The following ADGRA1 variants were observed in gnomAD, a reference collection of about 807,000 sequenced individuals.
The protein encoded by ADGRA1 is G-protein coupled receptor 123.
In ADGRA1, 12 loss-of-function variants were observed where a neutral mutation model predicts 21.3. The ratio of observed to expected loss-of-function variants is 0.56; its 90% CI spans 0.36 to 0.91. The LOEUF (loss-of-function observed/expected upper bound fraction) is 0.91, where lower values mean the gene tolerates loss of function less well. Ranked by LOEUF, ADGRA1 falls within the 40% of genes least tolerant of loss-of-function variation. ADGRA1 has a pLI of 0.01. For synonymous variants in ADGRA1, 385 were observed against 368.8 expected, an observed-to-expected ratio of 1.04 and a Z score of -0.50; for missense variants, 790 against 805.6, an observed-to-expected ratio of 0.98 and a Z score of 0.23.
In ADGRA1 at chr10:133,098,673, G is replaced by C. The variant is rs774571906; in HGVS notation, c.165G>C (p.Thr55=). Residue 55 remains threonine, a synonymous_variant, in exon 4 of 7, where the codon ACG becomes ACC. Coordinates refer to ENST00000392607, the MANE Select transcript of ADGRA1 (RefSeq NM_001083909.3). ...GCATCAGCCGCAAGGGCCGGCACAC[G>C]CTCCTGAATTTCTGCTTCCACGCGG... The part of the protein sequence containing the change: ...AIRISRKGRH[T]LLNFCFHAAL... The C allele has an allele frequency of 1.2e-6, 2 of 1,611,100 alleles. No individual in the cohort carries two copies. Among genetic ancestry groups the C allele is most frequent in the South Asian group, 2.2e-5 (2 of 91,070 alleles).
chr10:133,090,026 A>T (rs1851572040), intron 2 of ADGRA1, among the ~76,000 whole-genome samples: 1 of 152,234 alleles, frequency 6.6e-6, no homozygotes, highest in South Asian at 2.1e-4. Flanking sequence ...AGTTGGCAGG[A>T]TCTGTGGCTT....
Position 133,098,148 on chromosome 10 carries a change from T to C in ADGRA1, c.132-492T>C, listed in dbSNP as rs189131858. ...TGGGCGGGTCGGGCCCCAGACATGG[T>C]GGTGGTCATGGAAAGGGTCACAGCC... On this transcript the variant is annotated intron_variant, in intron 3 of 6. Coordinates refer to ENST00000392607, the MANE Select transcript of ADGRA1 (RefSeq NM_001083909.3). Among the ~76,000 whole-genome samples, 526 of 152,172 alleles carry C rather than the reference T, an allele frequency of 3.5e-3. 3 individuals are homozygous for C. Among genetic ancestry groups the C allele is most frequent in the African/African-American group, 0.012 (499 of 41,526 alleles).
At position 133,129,781 on chromosome 10, in the gene ADGRA1, G is replaced by A. The variant is rs577461289; in HGVS notation, c.*270G>A. On this transcript the variant is annotated 3_prime_UTR_variant, in exon 7 of 7. Transcript: ENST00000392607. ...CCCACTCCCCTTATCCCAATTCCGC[G>A]TGCTGGTCCCGCACACGGTCATCCG... 6 of 448,028 alleles carry A rather than the reference G, an allele frequency of 1.3e-5. No individual in the cohort carries two copies. The highest frequency in any genetic ancestry group is 6.1e-5 in the South Asian group (2 of 32,548). The allele number at this position is 448,028 out of a possible 1,614,324, so 27.8% of individuals were successfully genotyped here.
chr10:133,111,844 A>G (rs66533029), intron 5 of ADGRA1, among the ~76,000 whole-genome samples: 52 of 143,712 alleles, frequency 3.6e-4, no homozygotes, highest in East Asian at 8.8e-4. Context: ...CCACCTGCCC[A>G]CCACGGGCAC....
intron 6 of ADGRA1, 31 bp from the exon 7 acceptor site, chr10:133,128,298 C>G: frequency 6.7e-7 from 1 of 1,483,918 alleles, no homozygotes; most frequent in Non-Finnish European, 8.9e-7. Context: ...CCGTGCTGGC[C>G]CCGCTGACAC....
intron 5 of ADGRA1, among the ~76,000 whole-genome samples, chr10:133,115,290 C>A (rs1181952241): frequency 1.3e-5 from 2 of 152,316 alleles, no homozygotes; most frequent in East Asian, 3.9e-4. Flanking sequence ...GCGTCCACAT[C>A]GCCTCCAGCA....
chr10:133,123,336 T>C (rs1197222043), intron 5 of ADGRA1, among the ~76,000 whole-genome samples: 2 of 152,222 alleles, frequency 1.3e-5, no homozygotes, highest in Non-Finnish European at 2.9e-5. Flanking sequence ...CCTGTGTTTG[T>C]TCCTCACATC....
intron 4 of ADGRA1, among the ~76,000 whole-genome samples, chr10:133,101,178 C>T (rs769951859): frequency 3.9e-5 from 6 of 152,190 alleles, no homozygotes; most frequent in Non-Finnish European, 7.4e-5. Context: ...TGCATATGGG[C>T]CAGTGGTGGC....
rs1851530432 is a variant in ADGRA1 at position 133,088,005 on chromosome 10, A to G, written c.-336A>G. ...CACCGGCCGGCGCCGCAGCCCCGCA[A>G]TCTGTTGATAACTCGGTCCCAGCTC... On this transcript the variant is annotated 5_prime_UTR_variant, in exon 1 of 7. Coordinates refer to ENST00000392607, the MANE Select transcript of ADGRA1 (RefSeq NM_001083909.3). The G allele has an allele frequency of 2.0e-6, 2 of 984,742 alleles. No homozygotes were observed. Among genetic ancestry groups the G allele is most frequent in the South Asian group, 4.7e-5 (1 of 21,274 alleles). The allele number at this position is 984,742 out of a possible 1,614,324, so 61.0% of individuals were successfully genotyped here.
chr10:133,108,270 G>A (rs752686419), intron 5 of ADGRA1, among the ~76,000 whole-genome samples: 1 of 152,258 alleles, frequency 6.6e-6, no homozygotes, highest in Non-Finnish European at 1.5e-5. Flanking sequence ...CCTCCTGTGG[G>A]TGAGAAACCA....
chr10:133,095,559 C>T (rs1851672849), intron 2 of ADGRA1: 2 of 1,411,118 alleles, frequency 1.4e-6, no homozygotes, highest in Admixed American at 2.5e-5. Context: ...ATGCAGGGCC[C>T]CTCCGGTGCC....
chr10:133,098,116 C>T (rs1270944418), intron 3 of ADGRA1, among the ~76,000 whole-genome samples: 2 of 152,204 alleles, frequency 1.3e-5, no homozygotes, highest in Non-Finnish European at 2.9e-5. Flanking sequence ...CTGTGCTGGC[C>T]ACAGCCTGGG....
intron 5 of ADGRA1, among the ~76,000 whole-genome samples, chr10:133,122,571 A>G (rs1204614480): frequency 1.3e-5 from 2 of 152,136 alleles, no homozygotes; most frequent in Non-Finnish European, 2.9e-5. Flanking sequence ...TTTTAAAAAT[A>G]CTTTCTAGAT....
At chr10:133,118,792 A>C (rs1852201409) in intron 5 of ADGRA1, among the ~76,000 whole-genome samples, 1 of 152,182 alleles carries the variant, frequency 6.6e-6, no homozygotes, top group South Asian at 2.1e-4. Flanking sequence ...GAAAACCAAA[A>C]AATTTGTGTG....
intron 5 of ADGRA1, among the ~76,000 whole-genome samples, chr10:133,120,676 ATT>A (rs1852237736): frequency 6.6e-6 from 1 of 152,224 alleles, no homozygotes. Context: ...TTGAGGGAAT[ATT>A]GTGTCTGATT....
intron 4 of ADGRA1, among the ~76,000 whole-genome samples, chr10:133,100,463 C>G (rs868673029): frequency 3.9e-5 from 6 of 152,234 alleles, no homozygotes; most frequent in South Asian, 2.1e-4. Flanking sequence ...CCGCCCGCGC[C>G]TTCGGGAACA....
intron 5 of ADGRA1, among the ~76,000 whole-genome samples, chr10:133,110,363 C>A (rs1209187411): frequency 2.0e-5 from 3 of 152,284 alleles, no homozygotes; most frequent in African/African-American, 7.2e-5. Flanking sequence ...AAGGCAGGTG[C>A]TGCCGTCAGT....
Position 133,093,383 on chromosome 10 carries a change from C to T in ADGRA1, c.4-3591C>T, listed in dbSNP as rs1177840425. 5 of 1,196,072 alleles carry T rather than the reference C, an allele frequency of 4.2e-6. No individual in the cohort carries two copies. The East Asian group carries it at 1.3e-4, about 31-fold the overall frequency. The allele number at this position is 1,196,072 out of a possible 1,614,324, so 74.1% of individuals were successfully genotyped here. A position where few individuals can be genotyped will look rare whatever the true frequency, so the allele number is the denominator to read the frequency against. On this transcript the variant is annotated intron_variant, in intron 2 of 6. Coordinates refer to ENST00000392607, the MANE Select transcript of ADGRA1 (RefSeq NM_001083909.3). ...TTGCAGAACACACCAAAGAGGAGAC[C>T]TCCAATTAAAATGAGGGAAAACAGA...
At chr10:133,097,128 C>T (rs753597041) in intron 3 of ADGRA1, 27 bp downstream of exon 3, 2 of 1,600,654 alleles carry the variant, frequency 1.2e-6, no homozygotes, top group Non-Finnish European at 1.7e-6. Context: ...CAAGGGCGCC[C>T]CCTGTGCCCA....
Sources: allele counts gnomAD v4.1 joint callset (sites outside exome capture counted in the v4.1 genomes callset), GRCh38; gene constraint gnomAD v4.1.1; transcripts MANE v1.5; gene names NCBI Gene and HGNC (gene_info 2026-07-23, HGNC 2026-07-21).